RBFOX1: variants seen among roughly 807,000 people sequenced by gnomAD.
RBFOX1 encodes RNA binding protein fox-1 homolog 1.
Under a neutral mutation model 57.7 loss-of-function variants are expected in RBFOX1, and 8 were observed. That is an observed-to-expected ratio of 0.14 (90% CI 0.08 to 0.25). The LOEUF (loss-of-function observed/expected upper bound fraction) is 0.25. RBFOX1 is among the 10% of genes least tolerant of loss of function. The probability of loss-of-function intolerance (pLI) is 1.00; values close to 1 mark genes in which losing one functional copy is unlikely to be tolerated. For missense variants in RBFOX1, 611 were observed against 548.5 expected (o/e 1.11, Z -1.14); for synonymous variants, 326 against 222.4 (o/e 1.47, Z -4.15).
intron 2 of RBFOX1, among the ~76,000 whole-genome samples, chr16:6,367,976 G>A (rs2089905297): frequency 6.6e-6 from 1 of 152,188 alleles, no homozygotes; most frequent in South Asian, 2.1e-4. Context: ...GCAGGTAGAA[G>A]TAGCACAAAG....
At chr16:5,554,050 A>G (rs546022697) in intron 2 of RBFOX1, among the ~76,000 whole-genome samples, 1 of 151,146 alleles carries the variant, frequency 6.6e-6, no homozygotes, top group Non-Finnish European at 1.5e-5. Context: ...GCTCACTGCA[A>G]CCTCTGCCTC....
chr16:7,088,906 C>G (rs2060388740), intron 4 of RBFOX1, among the ~76,000 whole-genome samples: 2 of 152,178 alleles, frequency 1.3e-5, no homozygotes, highest in Admixed American at 1.3e-4. Flanking sequence ...TTAGAAAATC[C>G]TCTTTATCCG....
Position 7,186,241 on chromosome 16 carries a change from T to TAGAAACATAAACATATTTATATAAAC in RBFOX1, c.27+134144_27+134145insGAAACATAAACATATTTATATAAACA, listed in dbSNP as rs1567617194. Among the ~76,000 whole-genome samples the TAGAAACATAAACATATTTATATAAAC allele has an allele frequency of 4.7e-5, 6 of 127,110 alleles. 1 individual carries two copies. Among genetic ancestry groups the TAGAAACATAAACATATTTATATAAAC allele is most frequent in the African/African-American group, 1.8e-4 (6 of 33,936 alleles). The allele number at this position is 127,110 out of a possible 152,430, so 83.4% of individuals were successfully genotyped here. ...ATTTATATAAACATAAACATATTTA[T>TAGAAACATAAACATATTTATATAAAC]ATAAACATAAACATATTTATATAAA... is the stretch of plus-strand genomic sequence containing the variant. On this transcript the variant is annotated intron_variant, in intron 4 of 15. Transcript: ENST00000550418.
intron 3 of RBFOX1, chr16:5,867,192 T>C (rs1368679870): frequency 1.0e-5 from 6 of 585,884 alleles, no homozygotes; most frequent in Non-Finnish European, 1.5e-5. Context: ...TTGCAACCTT[T>C]GTCCCCTCGG....
intron 3 of RBFOX1, among the ~76,000 whole-genome samples, chr16:5,696,670 A>G (rs2050853453): frequency 6.6e-6 from 1 of 152,172 alleles, no homozygotes; most frequent in Non-Finnish European, 1.5e-5. Flanking sequence ...TAATTATTAT[A>G]ATTTTGATAT....
intron 2 of RBFOX1, among the ~76,000 whole-genome samples, chr16:5,503,165 C>T (rs764684923): frequency 3.3e-5 from 5 of 152,162 alleles, no homozygotes; most frequent in Admixed American, 1.3e-4. Context: ...GTGTGACTTC[C>T]GGCAAGAGAA....
intron 4 of RBFOX1, among the ~76,000 whole-genome samples, chr16:7,223,014 T>G (rs997272937): frequency 6.6e-6 from 1 of 152,210 alleles, no homozygotes; most frequent in Non-Finnish European, 1.5e-5. Context: ...GAGGCTTCTC[T>G]TCCATCTGGC....
chr16:7,206,135 A>G (rs1402470325), intron 4 of RBFOX1, among the ~76,000 whole-genome samples: 2 of 152,334 alleles, frequency 1.3e-5, no homozygotes, highest in South Asian at 2.1e-4. Context: ...TAGAAACATA[A>G]TCTTGTACAC....
At chr16:7,376,589 A>G (rs966623208) in intron 4 of RBFOX1, among the ~76,000 whole-genome samples, 1 of 152,140 alleles carries the variant, frequency 6.6e-6, no homozygotes, top group Non-Finnish European at 1.5e-5. Context: ...GCTAACTACC[A>G]GGGGATGTCA....
chr16:7,380,742 A>C (rs1462569459), intron 4 of RBFOX1, among the ~76,000 whole-genome samples: 1 of 152,238 alleles, frequency 6.6e-6, no homozygotes, highest in Non-Finnish European at 1.5e-5. Flanking sequence ...GGCTATAGCC[A>C]CAGCTAGAAA....
chr16:7,255,327 A>G (rs1418536546), intron 4 of RBFOX1, among the ~76,000 whole-genome samples: 1 of 152,170 alleles, frequency 6.6e-6, no homozygotes, highest in African/African-American at 2.4e-5. Flanking sequence ...GTACAAAAAG[A>G]TTTCGTTAAA....
intron 3 of RBFOX1, among the ~76,000 whole-genome samples, chr16:5,776,773 C>G (rs137886423): frequency 1.3e-5 from 2 of 152,292 alleles, no homozygotes; most frequent in South Asian, 2.1e-4. Flanking sequence ...ATGCAAATAT[C>G]TACAGGTATG....
intron 3 of RBFOX1, among the ~76,000 whole-genome samples, chr16:6,984,772 C>T (rs1056320731): frequency 6.6e-6 from 1 of 152,080 alleles, no homozygotes; most frequent in African/African-American, 2.4e-5. Flanking sequence ...TCCTGAGTAG[C>T]TAAGATTAGA....
At chr16:7,568,600 A>G (rs1391152339) in intron 5 of RBFOX1, among the ~76,000 whole-genome samples, 1 of 151,966 alleles carries the variant, frequency 6.6e-6, no homozygotes, top group South Asian at 2.1e-4. Flanking sequence ...AGATTGCCTT[A>G]ACTGGCTGGG....
chr16:7,657,269 A>G (rs771940359), intron 12 of RBFOX1, among the ~76,000 whole-genome samples: 1 of 152,150 alleles, frequency 6.6e-6, no homozygotes, highest in Non-Finnish European at 1.5e-5. Context: ...ACACCAGTAG[A>G]GTCCCTAAGG....
chr16:6,544,373 A>G (rs992646452), intron 2 of RBFOX1, among the ~76,000 whole-genome samples: 2 of 152,168 alleles, frequency 1.3e-5, no homozygotes, highest in African/African-American at 4.8e-5. Context: ...CCCTCTTGCA[A>G]TCTGAGGAAC....
chr16:5,799,315 A>G (rs955457929), intron 3 of RBFOX1, among the ~76,000 whole-genome samples: 1 of 152,156 alleles, frequency 6.6e-6, no homozygotes, highest in Non-Finnish European at 1.5e-5. Context: ...GGGAGCTACA[A>G]GTAAGATGAG....
intron 4 of RBFOX1, among the ~76,000 whole-genome samples, chr16:7,383,853 G>A (rs895753281): frequency 3.3e-5 from 5 of 151,976 alleles, no homozygotes; most frequent in African/African-American, 7.2e-5. Context: ...TCAGAAGATC[G>A]AGACTATCCT....
chr16:7,150,860 G>T (rs796894851), intron 4 of RBFOX1, among the ~76,000 whole-genome samples: 1 of 152,178 alleles, frequency 6.6e-6, no homozygotes, highest in South Asian at 2.1e-4. Context: ...TGATGTGCCT[G>T]CTTACACCAC....
Sources: allele counts gnomAD v4.1 joint callset (sites outside exome capture counted in the v4.1 genomes callset), GRCh38; gene constraint gnomAD v4.1.1; transcripts MANE v1.5; gene names NCBI Gene and HGNC (gene_info 2026-07-23, HGNC 2026-07-21).